Variants in KLK2 observed in about 807,000 individuals in gnomAD.
The protein encoded by KLK2 is kallikrein related peptidase 2, also known as kallikrein-2.
A neutral mutation model predicts 23.0 loss-of-function variants in KLK2; 17 were observed. The observed-to-expected ratio is 0.74, with a 90% confidence interval of 0.51 to 1.11. The LOEUF (loss-of-function observed/expected upper bound fraction) is 1.11. Ranked by LOEUF, KLK2 falls within the 50% of genes least tolerant of loss-of-function variation. The pLI is 0.00. For synonymous variants in KLK2, 140 were observed against 124.7 expected (o/e 1.12, Z -0.82); for missense variants, 330 against 325.9 (o/e 1.01, Z -0.10).
At chr19:50,874,950 C>CGTAA in intron 2 of KLK2, 70 bp downstream of exon 2, 1 of 1,537,696 alleles carries the variant, frequency 6.5e-7, no homozygotes. Context: ...GATGCTTCCC[C>CGTAA]CAGGGTCACT....
intron 1 of KLK2, 53 bp from the exon 2 acceptor site, chr19:50,874,668 C>T: frequency 1.3e-6 from 2 of 1,546,176 alleles, no homozygotes; most frequent in Non-Finnish European, 1.8e-6. Context: ...CAGCTCCCTC[C>T]CCTATCCAAT....
intron 1 of KLK2, 64 bp from the exon 2 acceptor site, chr19:50,874,657 T>G: frequency 6.7e-7 from 1 of 1,493,074 alleles, no homozygotes; most frequent in Non-Finnish European, 9.1e-7. Context: ...AACCCACAGC[T>G]CAGCTCCCTC....
intron 2 of KLK2, chr19:50,875,794 A>G (rs145019000): frequency 0.015 from 2,291 of 154,372 alleles, 72 homozygotes; most frequent in African/African-American, 0.052. Context: ...GCAAGACTCC[A>G]TCTCAGAAAA....
At chr19:50,876,277 G>T in intron 2 of KLK2, 195 bp from the exon 3 acceptor site, 1 of 595,210 alleles carries the variant, frequency 1.7e-6, no homozygotes, top group East Asian at 2.8e-5. Context: ...TTCAGTTTCT[G>T]TCTCTGCCTC....
At chr19:50,874,132 T>C (rs1220627869) in intron 1 of KLK2, 1 of 152,808 alleles carries the variant, frequency 6.5e-6, no homozygotes, top group East Asian at 1.9e-4. Flanking sequence ...GCTAGCTTTT[T>C]CCATGGGAAA....
At position 50,873,632 on chromosome 19, in the gene KLK2, C is replaced by A. The variant is rs991705922; in HGVS notation, c.46+113C>A. The A allele has an allele frequency of 7.0e-6, 5 of 717,618 alleles. No homozygotes were observed. The East Asian group carries it at 1.1e-4, about 16-fold the overall frequency. The allele number at this position is 717,618 out of a possible 1,614,324, so 44.5% of individuals were successfully genotyped here. On this transcript the variant is annotated intron_variant, in intron 1 of 4. Transcript: ENST00000325321. The stretch of plus-strand genomic sequence containing the variant: ...CCTTCAGCCCACAGTTCAGCCCAGA[C>A]AATGTGCCCCTGACTCTTCCACATT...
rs540100380 is a variant in KLK2 at position 50,878,682 on chromosome 19, C to A, written c.*123C>A. The A allele has an allele frequency of 3.3e-5, 29 of 890,330 alleles. No homozygotes were observed. Among genetic ancestry groups the A allele is most frequent in the Non-Finnish European group, 4.7e-5 (26 of 558,852 alleles). The allele number at this position is 890,330 out of a possible 1,614,324, so 55.2% of individuals were successfully genotyped here. The stretch of plus-strand genomic sequence containing the variant: ...CTCACCTGGCCGAAGCTCGAGCCTC[C>A]TGAGTCCTACTGACCTGTGCTTTCT... On this transcript the variant is annotated 3_prime_UTR_variant, in exon 5 of 5. Coordinates refer to ENST00000325321, the MANE Select transcript of KLK2 (RefSeq NM_005551.5).
intron 1 of KLK2, 129 bp from the exon 2 acceptor site, chr19:50,874,592 C>T: frequency 1.4e-6 from 1 of 695,042 alleles, no homozygotes; most frequent in Non-Finnish European, 2.4e-6. Context: ...CTCCCAGGAC[C>T]CCTTGCTTGT....
rs181308768 is a variant in KLK2 at position 50,876,542 on chromosome 19, A to C, written c.277A>C (p.Ser93Arg). 624 of 1,614,204 alleles carry C rather than the reference A, an allele frequency of 3.9e-4. 2 individuals are homozygous for C. Among genetic ancestry groups the C allele is most frequent in the Non-Finnish European group, 4.9e-4 (584 of 1,180,036 alleles). Residue 93 changes from serine (S) to arginine (R), a missense_variant, in exon 3 of 5, where the codon AGC (serine) becomes CGC (arginine). Coordinates refer to ENST00000325321, the MANE Select transcript of KLK2 (RefSeq NM_005551.5). ...AGACACAGGCCAGAGGGTCCCTGTC[A>C]GCCACAGCTTCCCACACCCGCTCTA... is the stretch of plus-strand genomic sequence containing the variant. The part of the protein sequence containing the change: ...PEDTGQRVPV[S>R]HSFPHPLYNM...
At position 50,876,745 on chromosome 19, in the gene KLK2, C is replaced by T. The variant is rs368029072; in HGVS notation, c.480C>T (p.Ile160=). ...GCTACGCCTCAGGCTGGGGCAGCAT[C>T]GAACCAGAGGAGTGTACGCCTGGGC... ...TTCYASGWGS[I]EPEEFLRPRS... is the part of the protein sequence containing the mutation. Residue 160 remains isoleucine, a synonymous_variant, in exon 3 of 5, where the codon ATC becomes ATT. Coordinates refer to ENST00000325321, the MANE Select transcript of KLK2 (RefSeq NM_005551.5). 19 of 1,613,906 alleles carry T rather than the reference C, an allele frequency of 1.2e-5. No homozygotes were observed. Among genetic ancestry groups the T allele is most frequent in the African/African-American group, 5.3e-5 (4 of 74,922 alleles).
Position 50,878,441 on chromosome 19 carries a change from T to C in KLK2, c.668T>C (p.Leu223Pro). 6.2e-7 allele frequency: 1 copy of C among 1,614,074 alleles called. No homozygotes were observed. The highest frequency in any genetic ancestry group is 8.5e-7 in the Non-Finnish European group (1 of 1,179,958). The change falls in exon 5 of 5, where the codon CTT (leucine) becomes CCT (proline). Residue 223 changes from leucine (L) to proline (P), a missense_variant. Transcript: ENST00000325321. ...SGGPLVCNGV[L>P]QGITSWGPEP... ...GGTCCACTTGTCTGTAATGGTGTGC[T>C]TCAAGGTATCACATCATGGGGCCCT... is the stretch of plus-strand genomic sequence containing the variant.
At chr19:50,874,547 C>T (rs1447064200) in intron 1 of KLK2, 174 bp from the exon 2 acceptor site, 11 of 554,046 alleles carry the variant, frequency 2.0e-5, no homozygotes, top group South Asian at 5.1e-5. Context: ...GCCACCAACC[C>T]GCTAACGCAG....
rs775103214 is a variant in KLK2 at position 50,876,452 on chromosome 19, T to G, written c.207-20T>G. ...TCCCCATTTTCTCTCTCCTCATGCA[T>G]CCACCCCCTTCCTCCCCAGGAATAG... On this transcript the variant is annotated intron_variant, in intron 2 of 4. Coordinates refer to ENST00000325321, the MANE Select transcript of KLK2 (RefSeq NM_005551.5). 1 of 1,612,706 alleles carries G rather than the reference T, an allele frequency of 6.2e-7. No homozygotes were observed. The highest frequency in any genetic ancestry group is 8.5e-7 in the Non-Finnish European group (1 of 1,179,120).
intron 2 of KLK2, chr19:50,876,164 G>T: frequency 2.6e-6 from 1 of 390,716 alleles, no homozygotes; most frequent in Non-Finnish European, 4.6e-6. Flanking sequence ...TCTATTTCTT[G>T]CTGTCTCTGT....
In KLK2 at chr19:50,878,928, G is replaced by A. The variant is rs369146825; in HGVS notation, c.*369G>A. On this transcript the variant is annotated 3_prime_UTR_variant, in exon 5 of 5. Transcript: ENST00000325321. The stretch of plus-strand genomic sequence containing the variant: ...GGGGCCCACCCTGGAAGAGTGGACA[G>A]TGACACAAGGTGGACACTCTCTACA... The A allele has an allele frequency of 3.6e-4, 99 of 273,940 alleles. No homozygotes were observed. Among genetic ancestry groups the A allele is most frequent in the African/African-American group, 2.1e-3 (97 of 47,294 alleles). The allele number at this position is 273,940 out of a possible 1,614,324, so 17.0% of individuals were successfully genotyped here. A position where few individuals can be genotyped will look rare whatever the true frequency, so the allele number is the denominator to read the frequency against.
chr19:50,877,202 G>C, intron 4 of KLK2, 194 bp downstream of exon 4: 1 of 666,526 alleles, frequency 1.5e-6, no homozygotes, highest in Non-Finnish European at 2.6e-6. Flanking sequence ...GATTCTCACA[G>C]CATAATTCAC....
At chr19:50,874,917 G>A in intron 2 of KLK2, 37 bp downstream of exon 2, 1 of 1,602,512 alleles carries the variant, frequency 6.2e-7, no homozygotes, top group Non-Finnish European at 8.5e-7. Context: ...GGGAATGGCT[G>A]TGTCCCACAG....
In KLK2 at chr19:50,876,933, T is replaced by C. The variant is rs755543383; in HGVS notation, c.555T>C (p.Ala185=). 1 of 1,614,208 alleles carries C rather than the reference T, an allele frequency of 6.2e-7. No homozygotes were observed. The change falls in exon 4 of 5, where the codon GCT becomes GCC. Residue 185 remains alanine, a synonymous_variant. Coordinates refer to ENST00000325321, the MANE Select transcript of KLK2 (RefSeq NM_005551.5). ...ATCTCCTGTCCAATGACATGTGTGC[T>C]AGAGCTTACTCTGAGAAGGTGACAG... ...SLHLLSNDMC[A]RAYSEKVTEF...
Position 50,876,066 on chromosome 19 carries a change from C to G in KLK2, c.207-406C>G, listed in dbSNP as rs118027508. 3.4e-3 allele frequency: 765 copies of G among 225,954 alleles called. 2 individuals are homozygous for G. The highest frequency in any genetic ancestry group is 7.0e-3 in the Admixed American group (134 of 19,160). The allele number at this position is 225,954 out of a possible 1,614,324, so 14.0% of individuals were successfully genotyped here. A position where few individuals can be genotyped will look rare whatever the true frequency, so the allele number is the denominator to read the frequency against. On this transcript the variant is annotated intron_variant, in intron 2 of 4. Coordinates refer to ENST00000325321, the MANE Select transcript of KLK2 (RefSeq NM_005551.5). ...GGCTTCCTCTCTGCTGTTTCTCCTT[C>G]TCTCTCTGACTTCCCGCATCCTTTT...
Sources: gnomAD v4.1 joint callset for allele counts on GRCh38, gnomAD v4.1.1 for gene constraint, MANE v1.5 for transcripts, NCBI Gene and HGNC (gene_info 2026-07-23, HGNC 2026-07-21) for gene names.